Variants in ERBB4 observed in about 807,000 individuals in gnomAD.
ERBB4 encodes the protein erb-b2 receptor tyrosine kinase 4, also known as receptor tyrosine-protein kinase erbB-4.
In ERBB4, 42 loss-of-function variants were observed where a neutral mutation model predicts 158.0. The ratio of observed to expected loss-of-function variants is 0.27; its 90% CI spans 0.21 to 0.34. The LOEUF is 0.34. Ranked by LOEUF, ERBB4 falls within the 10% of genes least tolerant of loss-of-function variation. ERBB4 has a pLI of 1.00. For missense variants in ERBB4, 1,333 were observed against 1,624.1 expected, an observed-to-expected ratio of 0.82 and a Z score of 3.08; for synonymous variants, 583 against 558.7, an observed-to-expected ratio of 1.04 and a Z score of -0.61.
intron 1 of ERBB4, among the ~76,000 whole-genome samples, chr2:212,434,783 T>C (rs552899324): frequency 6.6e-5 from 10 of 152,032 alleles, no homozygotes; most frequent in Non-Finnish European, 1.3e-4. Context: ...TTCTATTACG[T>C]AGATCATTCT....
intron 1 of ERBB4, among the ~76,000 whole-genome samples, chr2:212,300,234 C>T (rs2086568464): frequency 6.6e-6 from 1 of 151,612 alleles, no homozygotes; most frequent in Non-Finnish European, 1.5e-5. Flanking sequence ...CTGTACCCTT[C>T]TGCTGAACAG....
chr2:211,857,968 GTTATTATTAA>G (rs2106059635), intron 3 of ERBB4, among the ~76,000 whole-genome samples: 1 of 152,308 alleles, frequency 6.6e-6, no homozygotes, highest in South Asian at 2.1e-4. Flanking sequence ...GATCTGAGAA[GTTATTATTAA>G]TAGATGGCAC....
rs189281125 is a variant in ERBB4 at position 211,401,423 on chromosome 2, C to G, written c.3136-13431G>C. Among the ~76,000 whole-genome samples the G allele has an allele frequency of 5.5e-3, 833 of 151,864 alleles. 10 individuals carry two copies. Among genetic ancestry groups the G allele is most frequent in the South Asian group, 0.021 (101 of 4,820 alleles). Reference sequence around the variant, plus strand: ...TACTGAACACTTGAAAGCATCCAGGCAGAGTCCTAATAAGATATATCTCAG... The same window carrying G: ...TACTGAACACTTGAAAGCATCCAGGGAGAGTCCTAATAAGATATATCTCAG... On this transcript the variant is annotated intron_variant, in intron 25 of 27. Transcript: ENST00000342788.
At position 211,514,301 on chromosome 2, in the gene ERBB4, T is replaced by C. The variant is rs61378544; in HGVS notation, c.2487+47602A>G. Among the ~76,000 whole-genome samples the C allele has an allele frequency of 9.0e-3, 1,367 of 152,242 alleles. 22 individuals carry two copies. Among genetic ancestry groups the C allele is most frequent in the African/African-American group, 0.031 (1,275 of 41,560 alleles). ...CTCGGTTTCTTGGAGTTATTGAAAG[T>C]AATGTCTCACTGCAACTGAAAGAAT... is the stretch of plus-strand genomic sequence containing the variant. On this transcript the variant is annotated intron_variant, in intron 20 of 27. Transcript: ENST00000342788.
chr2:211,511,392 T>C (rs752186461), intron 20 of ERBB4, among the ~76,000 whole-genome samples: 1 of 151,984 alleles, frequency 6.6e-6, no homozygotes, highest in Non-Finnish European at 1.5e-5. Context: ...CTTGAATAAA[T>C]ACAGACAGAT....
intron 2 of ERBB4, among the ~76,000 whole-genome samples, chr2:212,056,969 AAG>A (rs1203764507): frequency 2.6e-5 from 4 of 152,364 alleles, no homozygotes; most frequent in Admixed American, 6.5e-5. Flanking sequence ...CTCCAATTAA[AAG>A]ACACAGACTG....
At chr2:212,355,500 G>A (rs1443956511) in intron 1 of ERBB4, among the ~76,000 whole-genome samples, 1 of 152,020 alleles carries the variant, frequency 6.6e-6, no homozygotes, top group African/African-American at 2.4e-5. Context: ...TGGCTTAACA[G>A]CTATGGAAAA....
chr2:212,019,926 G>A (rs1434267518), intron 2 of ERBB4, among the ~76,000 whole-genome samples: 1 of 151,938 alleles, frequency 6.6e-6, no homozygotes, highest in Non-Finnish European at 1.5e-5. Flanking sequence ...TATACTTGCA[G>A]TCAATAAAAT....
chr2:211,942,894 G>T (rs1006698283), intron 3 of ERBB4, among the ~76,000 whole-genome samples: 11 of 151,910 alleles, frequency 7.2e-5, no homozygotes, highest in Non-Finnish European at 1.5e-5. Flanking sequence ...ATAAATATAG[G>T]TATATGTGTA....
chr2:212,112,790 T>C (rs978995323), intron 2 of ERBB4, among the ~76,000 whole-genome samples: 6 of 152,328 alleles, frequency 3.9e-5, no homozygotes, highest in African/African-American at 1.4e-4. Flanking sequence ...GAGGTGTTAG[T>C]CCATGCCAAC....
chr2:211,402,310 G>A (rs2063061453), intron 25 of ERBB4, among the ~76,000 whole-genome samples: 1 of 151,970 alleles, frequency 6.6e-6, no homozygotes, highest in Non-Finnish European at 1.5e-5. Flanking sequence ...AAGTTATGTA[G>A]TAGCTTCAAT....
At chr2:212,063,428 G>A (rs948880094) in intron 2 of ERBB4, among the ~76,000 whole-genome samples, 1 of 152,082 alleles carries the variant, frequency 6.6e-6, no homozygotes, top group Admixed American at 6.6e-5. Context: ...ATCTGATGAT[G>A]ACTGGCTAGT....
chr2:212,291,889 T>C (rs1416875642), intron 1 of ERBB4, among the ~76,000 whole-genome samples: 3 of 151,958 alleles, frequency 2.0e-5, no homozygotes, highest in East Asian at 3.9e-4. Flanking sequence ...TTCAGAACAA[T>C]TGTAGGGAAG....
intron 1 of ERBB4, among the ~76,000 whole-genome samples, chr2:212,188,808 T>C (rs1047364669): frequency 6.6e-6 from 1 of 152,048 alleles, no homozygotes; most frequent in African/African-American, 2.4e-5. Flanking sequence ...TAGTCTTCCA[T>C]AGACTCAACA....
At chr2:211,655,360 A>G (rs567034683) in intron 16 of ERBB4, among the ~76,000 whole-genome samples, 1 of 152,286 alleles carries the variant, frequency 6.6e-6, no homozygotes, top group East Asian at 1.9e-4. Context: ...ATAATAAATA[A>G]TAACACTTAT....
chr2:212,294,578 C>T (rs891700366), intron 1 of ERBB4, among the ~76,000 whole-genome samples: 1 of 151,912 alleles, frequency 6.6e-6, no homozygotes, highest in Non-Finnish European at 1.5e-5. Context: ...AGTTGTATCG[C>T]TTTAAAATTT....
At chr2:212,252,025 T>C (rs953466069) in intron 1 of ERBB4, among the ~76,000 whole-genome samples, 1 of 151,930 alleles carries the variant, frequency 6.6e-6, no homozygotes, top group African/African-American at 2.4e-5. Context: ...TGAAATGTGG[T>C]TGGATTCTAG....
At position 211,935,542 on chromosome 2, in the gene ERBB4, G is replaced by A. The variant is rs1367463059; in HGVS notation, c.421+11888C>T. Among the ~76,000 whole-genome samples, 4 of 152,130 alleles carry A rather than the reference G, an allele frequency of 2.6e-5. No individual in the cohort carries two copies. The East Asian group carries it at 7.7e-4, about 29-fold the overall frequency. On this transcript the variant is annotated intron_variant, in intron 3 of 27. Transcript: ENST00000342788. ...GAACAGTGGCTCCCTGCACCCTAAG[G>A]CCTTTGATCCCAGACTGAGAGGTAC...
chr2:212,227,415 A>C (rs1264465175), intron 1 of ERBB4, among the ~76,000 whole-genome samples: 1 of 152,144 alleles, frequency 6.6e-6, no homozygotes. Context: ...AAGGGGATAT[A>C]TGACGAGCTC....
Sources: gnomAD v4.1 joint callset for allele counts (sites outside exome capture counted in the v4.1 genomes callset) on GRCh38, gnomAD v4.1.1 for gene constraint, MANE v1.5 for transcripts, NCBI Gene and HGNC (gene_info 2026-07-23, HGNC 2026-07-21) for gene names.